CLEC2D: variants seen among roughly 807,000 people sequenced by gnomAD.
The protein encoded by CLEC2D is C-type lectin domain family 2 member D.
In CLEC2D, 16 loss-of-function variants were observed where a neutral mutation model predicts 20.0. The ratio of observed to expected loss-of-function variants is 0.80; its 90% CI spans 0.54 to 1.22. The LOEUF is 1.22. Among genes scored for constraint, CLEC2D ranks in the 50% most tolerant of loss-of-function variants. The pLI, the probability that CLEC2D is intolerant of heterozygous loss-of-function variation, is 0.00. For missense variants in CLEC2D, 207 were observed against 221.5 expected (o/e 0.93, Z 0.42); for synonymous variants, 77 against 71.1 (o/e 1.08, Z -0.42).
rs751140423 is a variant in CLEC2D at position 9,694,864 on chromosome 12, T to C, written c.566T>C (p.Ile189Thr). The C allele has an allele frequency of 1.3e-6, 2 of 1,571,762 alleles. No individual in the cohort carries two copies. Among genetic ancestry groups the C allele is most frequent in the Non-Finnish European group, 1.8e-6 (2 of 1,141,820 alleles). The stretch of plus-strand genomic sequence containing the variant: ...AAGTGGATTTGTTCCAAATCAGATA[T>C]ACATGTCTAGATGTTACAGCAAAGC... ...ERKWICSKSDIHV is the reference protein window; with the variant it reads ...ERKWICSKSDTHV The change falls in exon 5 of 5, where the codon ATA becomes ACA. Residue 189 changes from isoleucine (I) to threonine (T), a missense_variant. By Grantham distance (89) the Ile-to-Thr change is moderately conservative. Coordinates refer to ENST00000290855, the MANE Select transcript of CLEC2D (RefSeq NM_013269.6).
At chr12:9,682,584 G>A (rs758189341) in intron 2 of CLEC2D, among the ~76,000 whole-genome samples, 1 of 152,064 alleles carries the variant, frequency 6.6e-6, no homozygotes, top group Non-Finnish European at 1.5e-5. Context: ...TGTTCTCATT[G>A]TTCAGCTCCC....
chr12:9,672,881 G>T (rs1230854756), intron 1 of CLEC2D, among the ~76,000 whole-genome samples: 1 of 151,974 alleles, frequency 6.6e-6, no homozygotes, highest in Non-Finnish European at 1.5e-5. Flanking sequence ...TTTGCAACAT[G>T]ATGTTCTCGT....
At chr12:9,693,170 C>A in intron 4 of CLEC2D, 1 of 1,271,364 alleles carries the variant, frequency 7.9e-7, no homozygotes, top group Non-Finnish European at 1.1e-6. Flanking sequence ...CATTTTCAAA[C>A]ACTTTCATTT....
At position 9,695,091 on chromosome 12, in the gene CLEC2D, C is replaced by T. The variant is rs1017404191; in HGVS notation, c.*217C>T. Reference sequence around the variant, plus strand: ...GTTCTCCCACTGCTAATGACATACCCGAGACTGAGTAATTTATAAATAAAA... The same window carrying T: ...GTTCTCCCACTGCTAATGACATACCTGAGACTGAGTAATTTATAAATAAAA... On this transcript the variant is annotated 3_prime_UTR_variant, in exon 5 of 5. Transcript: ENST00000290855. 3.0e-5 allele frequency: 17 copies of T among 575,224 alleles called. No homozygotes were observed. Among genetic ancestry groups the T allele is most frequent in the African/African-American group, 1.3e-4 (7 of 53,138 alleles). 35.6% of individuals were successfully genotyped at this position (575,224 alleles called of 1,614,324 possible).
At chr12:9,677,504 T>C (rs1865545045) in intron 1 of CLEC2D, among the ~76,000 whole-genome samples, 1 of 152,114 alleles carries the variant, frequency 6.6e-6, no homozygotes, top group African/African-American at 2.4e-5. Context: ...ATTTCTATTT[T>C]GTTAAATTTG....
chr12:9,693,059 A>C (rs765341201), intron 4 of CLEC2D, 128 bp downstream of exon 4: 6 of 1,613,926 alleles, frequency 3.7e-6, no homozygotes, highest in Non-Finnish European at 5.1e-6. Context: ...AGATGGTGCC[A>C]ACTTGTATGT....
chr12:9,687,690 C>A (rs992611729), intron 2 of CLEC2D, among the ~76,000 whole-genome samples: 1 of 152,148 alleles, frequency 6.6e-6, no homozygotes, highest in Non-Finnish European at 1.5e-5. Context: ...CAGCTCACCC[C>A]CTGCTGAAGG....
At chr12:9,685,235 C>T (rs1189418935) in intron 2 of CLEC2D, among the ~76,000 whole-genome samples, 1 of 152,222 alleles carries the variant, frequency 6.6e-6, no homozygotes, top group Non-Finnish European at 1.5e-5. Flanking sequence ...GGGGCACGCA[C>T]CAGATGCCAG....
chr12:9,688,666 G>T (rs1216304616), intron 3 of CLEC2D, among the ~76,000 whole-genome samples: 1 of 152,132 alleles, frequency 6.6e-6, no homozygotes, highest in Non-Finnish European at 1.5e-5. Flanking sequence ...CCTACAGTTA[G>T]CTGAAATCAT....
At chr12:9,670,670 T>G (rs2120878129) in intron 1 of CLEC2D, among the ~76,000 whole-genome samples, 1 of 152,352 alleles carries the variant, frequency 6.6e-6, no homozygotes, top group Non-Finnish European at 1.5e-5. Context: ...TTTGAACAAA[T>G]ATTTAGTTAG....
chr12:9,695,267 A>G lies in CLEC2D; in HGVS notation c.*393A>G. ...ATTTATACAACCATCAGATATCTTGAGACAAGAACAGTATGGGGCTCCCTG... is the reference window on the plus strand; with the variant it reads ...ATTTATACAACCATCAGATATCTTGGGACAAGAACAGTATGGGGCTCCCTG... On this transcript the variant is annotated 3_prime_UTR_variant, in exon 5 of 5. Coordinates refer to ENST00000290855, the MANE Select transcript of CLEC2D (RefSeq NM_013269.6). 1.5e-6 allele frequency: 1 copy of G among 670,872 alleles called. No homozygotes were observed. Among genetic ancestry groups the G allele is most frequent in the Non-Finnish European group, 2.7e-6 (1 of 372,516 alleles). 41.6% of individuals were successfully genotyped at this position (670,872 alleles called of 1,614,324 possible).
intron 1 of CLEC2D, among the ~76,000 whole-genome samples, chr12:9,678,837 A>T (rs1865575430): frequency 6.6e-6 from 1 of 152,194 alleles, no homozygotes; most frequent in African/African-American, 2.4e-5. Flanking sequence ...TACAACACCC[A>T]GCCATGTCTT....
At chr12:9,682,457 T>C (rs1865656247) in intron 2 of CLEC2D, among the ~76,000 whole-genome samples, 2 of 152,180 alleles carry the variant, frequency 1.3e-5, no homozygotes, top group South Asian at 4.1e-4. Flanking sequence ...CCATGGTGGT[T>C]TGATGCACCT....
chr12:9,696,226 C>G lies in CLEC2D; in HGVS notation c.*1352C>G. 1.2e-6 allele frequency: 1 copy of G among 835,850 alleles called. No homozygotes were observed. Among genetic ancestry groups the G allele is most frequent in the Non-Finnish European group, 2.0e-6 (1 of 488,572 alleles). 51.8% of individuals were successfully genotyped at this position (835,850 alleles called of 1,614,324 possible). On this transcript the variant is annotated 3_prime_UTR_variant, in exon 5 of 5. Coordinates refer to ENST00000290855, the MANE Select transcript of CLEC2D (RefSeq NM_013269.6). The stretch of plus-strand genomic sequence containing the variant: ...AGATCTCTGGCAGTGGAGGAAGTCT[C>G]TTTAAGAAAATAGTTTAAACAATTT...
intron 4 of CLEC2D, among the ~76,000 whole-genome samples, chr12:9,694,458 TGTAAAGAAAAC>T (rs1865934759): frequency 6.6e-6 from 1 of 152,182 alleles, no homozygotes; most frequent in South Asian, 2.1e-4. Context: ...TGGGAAACTG[TGTAAAGAAAAC>T]GTGTCAGACT....
rs971886217 is a variant in CLEC2D, at chr12:9,698,392, A to C, written c.*3518A>C. The stretch of plus-strand genomic sequence containing the variant: ...GAACATCTCTCTATTCCCCAGCCCC[A>C]GTCCCTAAATGTTGAATACACAATG... On this transcript the variant is annotated 3_prime_UTR_variant, in exon 5 of 5. Coordinates refer to ENST00000290855, the MANE Select transcript of CLEC2D (RefSeq NM_013269.6). 1 of 152,176 alleles carries C rather than the reference A, an allele frequency of 6.6e-6. No individual in the cohort carries two copies. The highest frequency in any genetic ancestry group is 1.5e-5 in the Non-Finnish European group (1 of 68,020). The allele number at this position is 152,176 out of a possible 1,614,324, so 9.4% of individuals were successfully genotyped here. A position where few individuals can be genotyped will look rare whatever the true frequency, so the allele number is the denominator to read the frequency against.
In CLEC2D at chr12:9,695,139, C is replaced by G. The variant is rs932460799; in HGVS notation, c.*265C>G. On this transcript the variant is annotated 3_prime_UTR_variant, in exon 5 of 5. Transcript: ENST00000290855. ...AAAGAGATTTAATTGACTCATAGTT[C>G]CACATGGCTGGGGAGGTCTTGCAAT... The G allele has an allele frequency of 1.6e-5, 9 of 578,270 alleles. No homozygotes were observed. Among genetic ancestry groups the G allele is most frequent in the Non-Finnish European group, 2.8e-5 (9 of 324,822 alleles). The allele number at this position is 578,270 out of a possible 1,614,324, so 35.8% of individuals were successfully genotyped here. A position where few individuals can be genotyped will look rare whatever the true frequency, so the allele number is the denominator to read the frequency against.
At chr12:9,684,349 C>G (rs888241166) in intron 2 of CLEC2D, among the ~76,000 whole-genome samples, 1 of 152,142 alleles carries the variant, frequency 6.6e-6, no homozygotes, top group African/African-American at 2.4e-5. Flanking sequence ...TTCCTCTCTT[C>G]CTGTTGAATA....
intron 3 of CLEC2D, among the ~76,000 whole-genome samples, chr12:9,690,494 T>C (rs1865840219): frequency 6.6e-6 from 1 of 152,064 alleles, no homozygotes; most frequent in Non-Finnish European, 1.5e-5. Flanking sequence ...ATATAGTTTA[T>C]AACTTCTCCT....
Sources: allele counts gnomAD v4.1 joint callset (sites outside exome capture counted in the v4.1 genomes callset), GRCh38; gene constraint gnomAD v4.1.1; transcripts MANE v1.5; gene names NCBI Gene and HGNC (gene_info 2026-07-23, HGNC 2026-07-21).